PXDNL: variants seen among roughly 807,000 people sequenced by gnomAD.
PXDNL encodes the protein peroxidasin like.
Under a neutral mutation model 150.8 loss-of-function variants are expected in PXDNL, and 145 were observed. The observed-to-expected ratio is 0.96, with a 90% CI of 0.84 to 1.10. The LOEUF is 1.10. Among genes scored for constraint, PXDNL ranks in the 50% least tolerant of loss-of-function variants. PXDNL has a pLI of 0.00. For synonymous variants in PXDNL, 757 were observed against 725.7 expected, an observed-to-expected ratio of 1.04 and a Z score of -0.69; for missense variants, 2,087 against 1,873.9, an observed-to-expected ratio of 1.11 and a Z score of -2.10.
chr8:51,627,543 G>A (rs1268949810), intron 2 of PXDNL, among the ~76,000 whole-genome samples: 4 of 152,060 alleles, frequency 2.6e-5, no homozygotes, highest in African/African-American at 7.2e-5. Context: ...ACCATGAGAC[G>A]AGGTGAGGTC....
chr8:51,441,994 C>T (rs1451329345), intron 12 of PXDNL, among the ~76,000 whole-genome samples: 1 of 152,136 alleles, frequency 6.6e-6, no homozygotes, highest in African/African-American at 2.4e-5. Context: ...GAGGTCGCCA[C>T]ACTGCTGGCT....
intron 14 of PXDNL, among the ~76,000 whole-genome samples, chr8:51,417,367 A>G (rs1563403319): frequency 6.6e-6 from 1 of 152,208 alleles, no homozygotes; most frequent in Non-Finnish European, 1.5e-5. Flanking sequence ...GGCTATCACT[A>G]CTATTGATGG....
In PXDNL at chr8:51,710,995, G is replaced by A. The variant is rs748343897; in HGVS notation, c.165-56235C>T. Among the ~76,000 whole-genome samples the A allele has an allele frequency of 5.9e-5, 9 of 152,230 alleles. 1 individual carries two copies. Among genetic ancestry groups the A allele is most frequent in the East Asian group, 1.9e-4 (1 of 5,186 alleles). On this transcript the variant is annotated intron_variant, in intron 1 of 22. Transcript: ENST00000356297. ...CCCACTCTCACCATATGTGTTCAAC[G>A]TAGAACTGAAAATCCAGAGAAATCA...
intron 3 of PXDNL, among the ~76,000 whole-genome samples, chr8:51,569,018 A>T (rs867503884): frequency 6.6e-6 from 1 of 151,764 alleles, no homozygotes; most frequent in African/African-American, 2.4e-5. Flanking sequence ...CACTTTTCCC[A>T]TTAGAGTCTT....
intron 16 of PXDNL, among the ~76,000 whole-genome samples, chr8:51,410,536 C>T (rs1361651332): frequency 6.6e-6 from 1 of 152,068 alleles, no homozygotes; most frequent in East Asian, 1.9e-4. Flanking sequence ...AGGGCTGAGG[C>T]AAGCTCACAG....
intron 15 of PXDNL, among the ~76,000 whole-genome samples, chr8:51,411,998 G>GA (rs1327991258): frequency 1.3e-5 from 2 of 152,176 alleles, no homozygotes; most frequent in Non-Finnish European, 2.9e-5. Flanking sequence ...GCTAAAGAAA[G>GA]AACTAGGTTG....
chr8:51,390,117 T>C (rs1406895598), intron 17 of PXDNL, among the ~76,000 whole-genome samples: 1 of 152,158 alleles, frequency 6.6e-6, no homozygotes, highest in African/African-American at 2.4e-5. Context: ...CCAATCATTG[T>C]TAATGAGAAA....
intron 2 of PXDNL, among the ~76,000 whole-genome samples, chr8:51,654,326 G>A (rs980692707): frequency 5.3e-5 from 8 of 152,194 alleles, no homozygotes. Flanking sequence ...AGCATACTGA[G>A]TAGAGCATGG....
chr8:51,533,018 GACAGCC>G (rs1811939441), intron 4 of PXDNL, among the ~76,000 whole-genome samples: 1 of 152,120 alleles, frequency 6.6e-6, no homozygotes, highest in African/African-American at 2.4e-5. Flanking sequence ...GTGGCCTCCT[GACAGCC>G]ACAGCAGCAA....
intron 2 of PXDNL, among the ~76,000 whole-genome samples, chr8:51,594,383 T>A (rs936382671): frequency 6.6e-6 from 1 of 152,190 alleles, no homozygotes; most frequent in African/African-American, 2.4e-5. Flanking sequence ...ACAAAAGGTG[T>A]CTTTGGGCAT....
intron 2 of PXDNL, among the ~76,000 whole-genome samples, chr8:51,597,535 G>T (rs772474241): frequency 5.3e-5 from 8 of 152,020 alleles, no homozygotes; most frequent in Non-Finnish European, 1.0e-4. Flanking sequence ...CAATCCATGA[G>T]CATGGAATAT....
Position 51,345,862 on chromosome 8 carries a change from C to T in PXDNL, c.3987G>A (p.Lys1329=). ...RSAQYSYPVD[K]DMELSHLRSR... ...TTCTTAGATGACTTAACTCCATATC[C>T]TTATCAACAGGATAGCTGTATTGAG... The change falls in exon 20 of 23, where the codon AAG becomes AAA. Residue 1329 remains lysine (K), a synonymous_variant. Transcript: ENST00000356297. 1 of 1,612,680 alleles carries T rather than the reference C, an allele frequency of 6.2e-7. No individual in the cohort carries two copies.
intron 8 of PXDNL, among the ~76,000 whole-genome samples, chr8:51,468,614 T>C (rs1405720287): frequency 1.3e-5 from 2 of 151,938 alleles, no homozygotes; most frequent in Non-Finnish European, 2.9e-5. Flanking sequence ...TATTTTATAT[T>C]TTCTCTTTCC....
chr8:51,707,432 T>C (rs1816405345), intron 1 of PXDNL, among the ~76,000 whole-genome samples: 1 of 152,230 alleles, frequency 6.6e-6, no homozygotes, highest in Non-Finnish European at 1.5e-5. Flanking sequence ...CACAGCCAAG[T>C]AGTACTAAAC....
chr8:51,364,217 T>C (rs146854551), intron 19 of PXDNL, among the ~76,000 whole-genome samples: 22 of 152,192 alleles, frequency 1.4e-4, no homozygotes, highest in Non-Finnish European at 3.2e-4. Context: ...CTGAGCACAA[T>C]CTAGAACCTG....
intron 1 of PXDNL, among the ~76,000 whole-genome samples, chr8:51,690,449 T>G (rs1815969441): frequency 6.6e-6 from 1 of 152,186 alleles, no homozygotes; most frequent in South Asian, 2.1e-4. Context: ...GATAGTTTAC[T>G]GAGAATGATG....
intron 4 of PXDNL, among the ~76,000 whole-genome samples, chr8:51,519,167 AAAGT>A (rs1374821501): frequency 6.6e-6 from 1 of 152,240 alleles, no homozygotes; most frequent in Non-Finnish European, 1.5e-5. Flanking sequence ...ATAAAAAATT[AAAGT>A]AAGATAAAAA....
intron 4 of PXDNL, among the ~76,000 whole-genome samples, chr8:51,523,951 G>A (rs1811713581): frequency 6.6e-6 from 1 of 152,176 alleles, no homozygotes; most frequent in Non-Finnish European, 1.5e-5. Flanking sequence ...GACCGATGGG[G>A]AAAAAAGTTA....
intron 12 of PXDNL, among the ~76,000 whole-genome samples, chr8:51,439,922 C>A (rs1809499703): frequency 6.6e-6 from 1 of 151,736 alleles, no homozygotes; most frequent in African/African-American, 2.4e-5. Context: ...GTCATTGCAC[C>A]AAAAAGATAC....
Sources: gnomAD v4.1 joint callset for allele counts (sites outside exome capture counted in the v4.1 genomes callset) on GRCh38, gnomAD v4.1.1 for gene constraint, MANE v1.5 for transcripts, NCBI Gene and HGNC (gene_info 2026-07-23, HGNC 2026-07-21) for gene names.